Variants in RASAL2 observed in about 807,000 individuals in gnomAD.
RASAL2 encodes RAS protein activator like 2, also known as ras GTPase-activating protein nGAP.
A neutral mutation model predicts 128.9 loss-of-function variants in RASAL2; 58 were observed. That is an observed-to-expected ratio of 0.45 (90% CI 0.36 to 0.56). The LOEUF is 0.56. RASAL2 is among the 20% of genes least tolerant of loss of function. The pLI, the probability that RASAL2 is intolerant of heterozygous loss-of-function variation, is 0.00. For missense variants in RASAL2, 1,360 were observed against 1,601.6 expected, an observed-to-expected ratio of 0.85 and a Z score of 2.57; for synonymous variants, 561 against 580.8, an observed-to-expected ratio of 0.97 and a Z score of 0.49.
intron 1 of RASAL2, among the ~76,000 whole-genome samples, chr1:178,111,516 G>A (rs1659322543): frequency 6.6e-6 from 1 of 152,034 alleles, no homozygotes; most frequent in Admixed American, 6.6e-5. Flanking sequence ...TACCAGCAGT[G>A]TACGTAGGTT....
chr1:178,115,326 T>C (rs1659488032), intron 1 of RASAL2, among the ~76,000 whole-genome samples: 2 of 152,252 alleles, frequency 1.3e-5, no homozygotes, highest in South Asian at 4.1e-4. Flanking sequence ...GTTACCTCTT[T>C]CATTCCTCAT....
chr1:178,245,944 A>G (rs2102067103), intron 1 of RASAL2, among the ~76,000 whole-genome samples: 1 of 152,248 alleles, frequency 6.6e-6, no homozygotes, highest in African/African-American at 2.4e-5. Flanking sequence ...TTTTGGTACC[A>G]CTACCATGGT....
chr1:178,473,023 C>A, intron 17 of RASAL2, 52 bp from the exon 18 acceptor site: 1 of 1,590,308 alleles, frequency 6.3e-7, no homozygotes, highest in Non-Finnish European at 8.6e-7. Flanking sequence ...GTAAAGAAAG[C>A]GTGTTACCTC....
At chr1:178,138,157 G>T (rs1023556498) in intron 1 of RASAL2, among the ~76,000 whole-genome samples, 1 of 152,060 alleles carries the variant, frequency 6.6e-6, no homozygotes, top group African/African-American at 2.4e-5. Context: ...GATTATTATG[G>T]GAATAGAAAA....
intron 1 of RASAL2, among the ~76,000 whole-genome samples, chr1:178,259,297 AT>A (rs1665543524): frequency 6.6e-6 from 1 of 150,858 alleles, no homozygotes; most frequent in African/African-American, 2.4e-5. Flanking sequence ...CGCCCGGCTA[AT>A]TTTTTTGTAT....
chr1:178,138,917 G>A (rs1267939895), intron 1 of RASAL2, among the ~76,000 whole-genome samples: 1 of 151,844 alleles, frequency 6.6e-6, no homozygotes, highest in Non-Finnish European at 1.5e-5. Context: ...AACAGTGATT[G>A]GCTGATTTAT....
At chr1:178,137,592 T>A (rs1455672867) in intron 1 of RASAL2, among the ~76,000 whole-genome samples, 1 of 152,214 alleles carries the variant, frequency 6.6e-6, no homozygotes, top group Non-Finnish European at 1.5e-5. Context: ...ATCTGAGGTA[T>A]ATAGTAGGAC....
chr1:178,182,703 G>C (rs12022502), intron 1 of RASAL2, among the ~76,000 whole-genome samples: 13,309 of 151,968 alleles, frequency 0.088, 619 homozygotes, highest in Middle Eastern at 0.13. Context: ...TATTTTTTCA[G>C]TTCCAATACA....
intron 1 of RASAL2, among the ~76,000 whole-genome samples, chr1:178,136,850 CAT>C (rs1660345680): frequency 7.8e-6 from 1 of 128,180 alleles, no homozygotes; most frequent in South Asian, 2.8e-4. Flanking sequence ...TAAACTGAAA[CAT>C]AAAGGTCTAG....
At chr1:178,116,964 T>G (rs1480907150) in intron 1 of RASAL2, among the ~76,000 whole-genome samples, 1 of 152,192 alleles carries the variant, frequency 6.6e-6, no homozygotes, top group Non-Finnish European at 1.5e-5. Context: ...AACATAGACT[T>G]AAATAATGCC....
intron 1 of RASAL2, among the ~76,000 whole-genome samples, chr1:178,103,869 A>T (rs562063253): frequency 6.6e-6 from 1 of 152,198 alleles, no homozygotes; most frequent in East Asian, 1.9e-4. Flanking sequence ...AATTGAATGT[A>T]TCGGATTTTT....
intron 3 of RASAL2, among the ~76,000 whole-genome samples, chr1:178,322,359 C>T (rs1246952499): frequency 6.6e-6 from 1 of 152,106 alleles, no homozygotes; most frequent in Non-Finnish European, 1.5e-5. Flanking sequence ...CAGTAGTTGA[C>T]TTCACCTATA....
Position 178,454,392 on chromosome 1 carries a change from A to G in RASAL2, c.2010-55A>G. 3 of 1,425,388 alleles carry G rather than the reference A, an allele frequency of 2.1e-6. No individual in the cohort carries two copies. In the South Asian group the frequency reaches 3.6e-5, roughly 17 times the overall value. 88.3% of individuals were successfully genotyped at this position (1,425,388 alleles called of 1,614,324 possible). ...TAGTTCTGTGTAATGTCAAATCAAA[A>G]TGATCATATCTCTCTTGAATATGTT... On this transcript the variant is annotated intron_variant, in intron 11 of 17. Coordinates refer to ENST00000367649, the MANE Select transcript of RASAL2 (RefSeq NM_170692.4).
chr1:178,375,968 A>G (rs1671969213), intron 3 of RASAL2, among the ~76,000 whole-genome samples: 1 of 152,148 alleles, frequency 6.6e-6, no homozygotes, highest in South Asian at 2.1e-4. Context: ...AAGCATCTGT[A>G]GGTCATCTGC....
intron 4 of RASAL2, among the ~76,000 whole-genome samples, chr1:178,399,428 G>A (rs1673472283): frequency 6.6e-6 from 1 of 152,106 alleles, no homozygotes; most frequent in Admixed American, 6.5e-5. Flanking sequence ...TCCAAGCCAG[G>A]TACCTAGTGA....
At chr1:178,232,200 A>G (rs150962855) in intron 1 of RASAL2, among the ~76,000 whole-genome samples, 53 of 152,178 alleles carry the variant, frequency 3.5e-4, no homozygotes, top group Non-Finnish European at 6.6e-4. Flanking sequence ...TGAAACCCCT[A>G]TTTTCAGGGG....
chr1:178,218,439 C>T (rs1400759727), intron 1 of RASAL2, among the ~76,000 whole-genome samples: 2 of 152,194 alleles, frequency 1.3e-5, no homozygotes, highest in Non-Finnish European at 2.9e-5. Context: ...GTAATCCCAG[C>T]ACTTTGGAAG....
Position 178,473,174 on chromosome 1 carries a change from T to A in RASAL2, c.3778T>A (p.Ser1260Thr). The A allele has an allele frequency of 6.2e-7, 1 of 1,614,050 alleles. No individual in the cohort carries two copies. The highest frequency in any genetic ancestry group is 8.5e-7 in the Non-Finnish European group (1 of 1,180,006). Reference sequence around the variant, plus strand: ...CAGCATGCAGGTCCGCAATGGCATCTCCCCCACCAACCCCACCAAGCTTTC... The same window carrying A: ...CAGCATGCAGGTCCGCAATGGCATCACCCCCACCAACCCCACCAAGCTTTC... ...RYSMQVRNGI[S>T]PTNPTKLSIT... The change falls in exon 18 of 18, where the codon TCC (serine) becomes ACC (threonine). Residue 1260 changes from serine to threonine, a missense_variant. Ser to Thr is a moderately conservative substitution (Grantham distance 58). Coordinates refer to ENST00000367649, the MANE Select transcript of RASAL2 (RefSeq NM_170692.4).
intron 3 of RASAL2, among the ~76,000 whole-genome samples, chr1:178,326,466 T>C (rs1030900449): frequency 4.6e-5 from 7 of 152,240 alleles, no homozygotes; most frequent in Non-Finnish European, 1.0e-4. Flanking sequence ...ATTTTATTTA[T>C]AATAATGCTC....
Sources: allele counts gnomAD v4.1 joint callset (sites outside exome capture counted in the v4.1 genomes callset), GRCh38; gene constraint gnomAD v4.1.1; transcripts MANE v1.5; gene names NCBI Gene and HGNC (gene_info 2026-07-23, HGNC 2026-07-21).